The following CACNA1C variants were observed in gnomAD, a reference collection of about 807,000 sequenced individuals.
CACNA1C encodes voltage-dependent L-type calcium channel subunit alpha-1C.
In CACNA1C, 30 loss-of-function variants were observed where a neutral mutation model predicts 229.0. The observed-to-expected ratio is 0.13, with a 90% confidence interval of 0.10 to 0.18. CACNA1C has a LOEUF of 0.18. Ranked by LOEUF, CACNA1C falls within the 10% of genes least tolerant of loss-of-function variation. The pLI is 1.00. For missense variants in CACNA1C, 1,658 were observed against 2,845.0 expected, an observed-to-expected ratio of 0.58 and a Z score of 9.49; for synonymous variants, 1,114 against 1,132.5, an observed-to-expected ratio of 0.98 and a Z score of 0.33.
intron 18 of CACNA1C, among the ~76,000 whole-genome samples, chr12:2,587,485 C>T (rs1169443430): frequency 6.6e-6 from 1 of 152,176 alleles, no homozygotes; most frequent in Non-Finnish European, 1.5e-5. Flanking sequence ...TGCAGCCAGG[C>T]CTGTACGGCA....
At chr12:2,210,331 G>A (rs1421966910) in intron 3 of CACNA1C, among the ~76,000 whole-genome samples, 2 of 152,264 alleles carry the variant, frequency 1.3e-5, no homozygotes, top group African/African-American at 4.8e-5. Flanking sequence ...GGGAGTTGAG[G>A]AAGGGGTAGG....
chr12:2,250,713 C>G (rs1438344121), intron 3 of CACNA1C, among the ~76,000 whole-genome samples: 1 of 152,184 alleles, frequency 6.6e-6, no homozygotes, highest in Non-Finnish European at 1.5e-5. Context: ...AGTGCTGTAG[C>G]CTTGGGCACT....
At chr12:2,188,785 A>G (rs2097122663) in intron 3 of CACNA1C, among the ~76,000 whole-genome samples, 1 of 152,130 alleles carries the variant, frequency 6.6e-6, no homozygotes, top group South Asian at 2.1e-4. Flanking sequence ...CAGTTGCCCC[A>G]AATCCTTTAG....
chr12:2,180,921 G>A (rs777531154), intron 3 of CACNA1C, among the ~76,000 whole-genome samples: 41 of 152,116 alleles, frequency 2.7e-4, no homozygotes, highest in African/African-American at 1.7e-4. Flanking sequence ...CTCTGGGGAC[G>A]GGTGCAGCTT....
intron 3 of CACNA1C, among the ~76,000 whole-genome samples, chr12:2,416,153 T>TC (rs2098894210): frequency 6.6e-6 from 1 of 152,178 alleles, no homozygotes; most frequent in Non-Finnish European, 1.5e-5. Flanking sequence ...CTTTGACAGC[T>TC]CATCGCTATT....
intron 3 of CACNA1C, among the ~76,000 whole-genome samples, chr12:2,427,402 G>T (rs2099042655): frequency 6.6e-6 from 1 of 152,092 alleles, no homozygotes; most frequent in Admixed American, 6.5e-5. Context: ...TGGCAACCCT[G>T]TGTCCATTCC....
At chr12:2,464,902 A>G (rs916633399) in intron 5 of CACNA1C, among the ~76,000 whole-genome samples, 3 of 152,222 alleles carry the variant, frequency 2.0e-5, no homozygotes, top group Non-Finnish European at 4.4e-5. Flanking sequence ...AGTGGATACC[A>G]TATAGAAGGC....
intron 3 of CACNA1C, among the ~76,000 whole-genome samples, chr12:2,423,481 C>T (rs935046522): frequency 2.0e-5 from 3 of 152,144 alleles, no homozygotes; most frequent in South Asian, 2.1e-4. Context: ...AATATACTTA[C>T]ATCATAATGA....
At position 2,608,787 on chromosome 12, in the gene CACNA1C, G is replaced by C; in HGVS notation, c.3558+75G>C. 1 of 1,463,500 alleles carries C rather than the reference G, an allele frequency of 6.8e-7. No individual in the cohort carries two copies. Among genetic ancestry groups the C allele is most frequent in the Non-Finnish European group, 9.5e-7 (1 of 1,057,884 alleles). 90.7% of individuals were successfully genotyped at this position (1,463,500 alleles called of 1,614,324 possible). On this transcript the variant is annotated intron_variant, in intron 27 of 46. Coordinates refer to ENST00000399655, the MANE Select transcript of CACNA1C (RefSeq NM_000719.7). This position sits in a 1 kb window ranked among gnomAD's most constrained non-coding sequence, Gnocchi z 4.2. ...GCAGCCTGCGGCCCACCCCGCAGAGGGGCTGCGACAGGGAGAGGCCGTGCA... is the reference window on the plus strand; with the variant it reads ...GCAGCCTGCGGCCCACCCCGCAGAGCGGCTGCGACAGGGAGAGGCCGTGCA...
At chr12:2,543,750 G>A (rs1258025910) in intron 9 of CACNA1C, among the ~76,000 whole-genome samples, 1 of 152,174 alleles carries the variant, frequency 6.6e-6, no homozygotes, top group Non-Finnish European at 1.5e-5. Flanking sequence ...TTTCCATGCA[G>A]GTGACTGCCA....
At chr12:2,519,486 G>A (rs1456578182) in intron 9 of CACNA1C, among the ~76,000 whole-genome samples, 8 of 152,224 alleles carry the variant, frequency 5.3e-5, no homozygotes, top group South Asian at 2.1e-4. Flanking sequence ...TCATGAACAC[G>A]GTTGCTTTCC....
At chr12:2,155,480 T>A (rs578001771) in intron 3 of CACNA1C, among the ~76,000 whole-genome samples, 1 of 152,242 alleles carries the variant, frequency 6.6e-6, no homozygotes, top group Non-Finnish European at 1.5e-5. Context: ...GTTTTTATTG[T>A]CATTTTCTCA....
intron 3 of CACNA1C, among the ~76,000 whole-genome samples, chr12:2,352,080 C>T (rs1245969041): frequency 6.6e-6 from 1 of 152,182 alleles, no homozygotes; most frequent in Non-Finnish European, 1.5e-5. Flanking sequence ...GTCCCTAGAG[C>T]CACAAAAATT....
Position 2,694,928 on chromosome 12 carries a change from T to A in CACNA1C, c.*3729T>A, listed in dbSNP as rs1318410504. The A allele has an allele frequency of 6.6e-6, 1 of 152,232 alleles. No homozygotes were observed. Among genetic ancestry groups the A allele is most frequent in the Admixed American group, 6.5e-5 (1 of 15,288 alleles). The allele number at this position is 152,232 out of a possible 1,614,324, so 9.4% of individuals were successfully genotyped here. ...GAGTGGAACCCTGGTCATCGGGGTT[T>A]TTAGCCTCATCGTGGGAAAGGTGGT... On this transcript the variant is annotated 3_prime_UTR_variant, in exon 47 of 47. Transcript: ENST00000399655.
intron 3 of CACNA1C, among the ~76,000 whole-genome samples, chr12:2,127,266 G>A (rs889233490): frequency 9.9e-5 from 15 of 152,134 alleles, no homozygotes; most frequent in African/African-American, 2.2e-4. Context: ...TCTGAGATGC[G>A]TCTGAGCCCT....
intron 1 of CACNA1C, among the ~76,000 whole-genome samples, chr12:2,002,729 C>T (rs1333676967): frequency 6.6e-6 from 1 of 152,210 alleles, no homozygotes; most frequent in Non-Finnish European, 1.5e-5. Flanking sequence ...CCTCATCTCT[C>T]TACTACGGAA....
intron 5 of CACNA1C, among the ~76,000 whole-genome samples, chr12:2,471,131 G>A (rs1026094527): frequency 4.6e-5 from 7 of 152,076 alleles, no homozygotes; most frequent in African/African-American, 7.2e-5. Context: ...TGTGCCTGAC[G>A]TACACATCAT....
chr12:2,290,017 G>A, intron 3 of CACNA1C, among the ~76,000 whole-genome samples: 1 of 152,156 alleles, frequency 6.6e-6, no homozygotes, highest in Non-Finnish European at 1.5e-5. Context: ...AAGCTTGGGT[G>A]GAATTCTGCT....
rs868563775 is a variant in CACNA1C, at chr12:2,152,212, T to C, written c.477+31782T>C. On this transcript the variant is annotated intron_variant, in intron 3 of 46. Transcript: ENST00000399655. The surrounding 1 kb of genome is among the most constrained non-coding windows in gnomAD (Gnocchi z 4.2). ...GCAAAGATGCCACTTGTGACAGAAA[T>C]GACTGTTACCCAGTGTCTGTTCTCT... is the stretch of plus-strand genomic sequence containing the variant. Among the ~76,000 whole-genome samples, 2 of 152,198 alleles carry C rather than the reference T, an allele frequency of 1.3e-5. No homozygotes were observed. The highest frequency in any genetic ancestry group is 4.8e-5 in the African/African-American group (2 of 41,452).
Sources: gnomAD v4.1 joint callset for allele counts (sites outside exome capture counted in the v4.1 genomes callset) on GRCh38, gnomAD v4.1.1 for gene constraint, Gnocchi (gnomAD v3.1) non-coding constraint, MANE v1.5 for transcripts, NCBI Gene and HGNC (gene_info 2026-07-23, HGNC 2026-07-21) for gene names.